AIG1: variants seen among roughly 807,000 people sequenced by gnomAD.
AIG1 encodes the protein androgen-induced gene 1 protein.
A neutral mutation model predicts 31.4 loss-of-function variants in AIG1; 23 were observed. The ratio of observed to expected loss-of-function variants is 0.73; its 90% CI spans 0.53 to 1.04. AIG1 has a LOEUF of 1.04. AIG1 is among the 50% of genes least tolerant of loss of function. The probability of loss-of-function intolerance (pLI) is 0.00; values close to 1 mark genes in which losing one functional copy is unlikely to be tolerated. For missense variants in AIG1, 274 were observed against 295.0 expected (o/e 0.93, Z 0.52); for synonymous variants, 100 against 110.5 (o/e 0.90, Z 0.60).
intron 3 of AIG1, among the ~76,000 whole-genome samples, chr6:143,241,874 C>T (rs925365940): frequency 6.6e-6 from 1 of 152,134 alleles, no homozygotes; most frequent in Non-Finnish European, 1.5e-5. Context: ...TTTAAAATAT[C>T]ATGTAAAGTT....
At chr6:143,224,774 T>G (rs1792807813) in intron 3 of AIG1, among the ~76,000 whole-genome samples, 1 of 152,148 alleles carries the variant, frequency 6.6e-6, no homozygotes, top group African/African-American at 2.4e-5. Flanking sequence ...GCCTGTGGTT[T>G]CCATCCCTCC....
rs1797324666 is a variant in AIG1 at position 143,281,289 on chromosome 6, A to T, written c.400-2821A>T. On this transcript the variant is annotated intron_variant, in intron 3 of 5. Coordinates refer to ENST00000357847, the MANE Select transcript of AIG1 (RefSeq NM_016108.4). ...ATGGAGTTAATAATATCCATATAAG[A>T]TGTTGTTTTGAAGATTAAATTATCT... Among the ~76,000 whole-genome samples, 4 of 152,208 alleles carry T rather than the reference A, an allele frequency of 2.6e-5. No individual in the cohort carries two copies. In the South Asian group the frequency reaches 6.2e-4, roughly 24 times the overall value.
At chr6:143,148,959 A>G (rs892483078) in intron 2 of AIG1, among the ~76,000 whole-genome samples, 1 of 152,170 alleles carries the variant, frequency 6.6e-6, no homozygotes, top group African/African-American at 2.4e-5. Flanking sequence ...CTTAGGAGCA[A>G]TAGGCTACAC....
intron 1 of AIG1, among the ~76,000 whole-genome samples, chr6:143,100,828 C>T (rs545762270): frequency 6.6e-6 from 1 of 151,934 alleles, no homozygotes; most frequent in Admixed American, 6.6e-5. Context: ...GGGATTACAG[C>T]CACTCACCAC....
chr6:143,158,450 C>G (rs1786012890), intron 2 of AIG1, among the ~76,000 whole-genome samples: 1 of 152,152 alleles, frequency 6.6e-6, no homozygotes, highest in Admixed American at 6.5e-5. Context: ...CTCCCCATGT[C>G]CTTATTTAAT....
intron 3 of AIG1, among the ~76,000 whole-genome samples, chr6:143,218,020 A>G (rs1792169416): frequency 6.6e-6 from 1 of 152,200 alleles, no homozygotes; most frequent in South Asian, 2.1e-4. Context: ...ACAACAGCTC[A>G]TTGTTATTTT....
At chr6:143,251,053 ATTG>A (rs1011699219) in intron 3 of AIG1, among the ~76,000 whole-genome samples, 16 of 152,006 alleles carry the variant, frequency 1.1e-4, no homozygotes, top group Middle Eastern at 3.4e-3. Context: ...GAATACATTG[ATTG>A]TTGTTGTTGT....
At chr6:143,154,995 A>G (rs368101015) in intron 2 of AIG1, among the ~76,000 whole-genome samples, 3 of 148,466 alleles carry the variant, frequency 2.0e-5, no homozygotes, top group African/African-American at 7.5e-5. Flanking sequence ...TTTCAGACAT[A>G]CACCACCACA....
chr6:143,062,437 T>C (rs1172855602), intron 1 of AIG1, among the ~76,000 whole-genome samples: 2 of 152,206 alleles, frequency 1.3e-5, no homozygotes, highest in Non-Finnish European at 2.9e-5. Context: ...GAGGAGCCCG[T>C]GACAAGACTC....
Position 143,284,094 on chromosome 6 carries a change from C to T in AIG1, c.400-16C>T. On this transcript the variant is annotated splice_polypyrimidine_tract_variant and intron_variant, in intron 3 of 5. Coordinates refer to ENST00000357847, the MANE Select transcript of AIG1 (RefSeq NM_016108.4). The surrounding 1 kb of genome is among the most constrained non-coding windows in gnomAD (Gnocchi z 4.4). ...ATGATAGCAATCTGTGTCACCTAGT[C>T]TCTGTTATTTTCCAGCACACGACGG... 6.3e-7 allele frequency: 1 copy of T among 1,581,984 alleles called. No individual in the cohort carries two copies. Among genetic ancestry groups the T allele is most frequent in the South Asian group, 1.1e-5 (1 of 90,078 alleles).
chr6:143,154,346 G>C (rs1425300276), intron 2 of AIG1, among the ~76,000 whole-genome samples: 1 of 152,048 alleles, frequency 6.6e-6, no homozygotes, highest in Non-Finnish European at 1.5e-5. Context: ...CCTTAATAAA[G>C]CACTGAGAAA....
At chr6:143,188,710 T>G (rs1789506923) in intron 3 of AIG1, 17 of 985,222 alleles carry the variant, frequency 1.7e-5, no homozygotes, top group Non-Finnish European at 2.0e-5. Context: ...CTAAGGAGAC[T>G]GTAGAAGACT....
At chr6:143,228,963 T>A (rs1793226719) in intron 3 of AIG1, among the ~76,000 whole-genome samples, 1 of 152,220 alleles carries the variant, frequency 6.6e-6, no homozygotes, top group Non-Finnish European at 1.5e-5. Flanking sequence ...GGCTAAGATC[T>A]TTTTGGCAGT....
intron 3 of AIG1, among the ~76,000 whole-genome samples, chr6:143,168,824 A>T (rs1470398014): frequency 2.0e-5 from 3 of 152,046 alleles, no homozygotes; most frequent in African/African-American, 7.2e-5. Flanking sequence ...AAATTCTCAC[A>T]TGTATTTTAA....
Position 143,120,156 on chromosome 6 carries a change from A to G in AIG1, c.142-16679A>G, listed in dbSNP as rs529161342. On this transcript the variant is annotated intron_variant, in intron 1 of 5. Coordinates refer to ENST00000357847, the MANE Select transcript of AIG1 (RefSeq NM_016108.4). ...TCCATATTGGTCAGGCTGATCTCGA[A>G]CTCCCGATCTCAGGTGATCTGCCTG... Among the ~76,000 whole-genome samples the G allele has an allele frequency of 7.2e-5, 11 of 151,752 alleles. No individual in the cohort carries two copies. The East Asian group carries it at 1.9e-3, about 27-fold the overall frequency.
At chr6:143,281,738 A>G (rs1215402122) in intron 3 of AIG1, among the ~76,000 whole-genome samples, 1 of 152,200 alleles carries the variant, frequency 6.6e-6, no homozygotes, top group East Asian at 1.9e-4. Context: ...TGCATTATAA[A>G]TTTCTAGAGA....
chr6:143,260,398 T>C (rs1000974101), intron 3 of AIG1, among the ~76,000 whole-genome samples: 4 of 152,174 alleles, frequency 2.6e-5, no homozygotes, highest in Non-Finnish European at 5.9e-5. Flanking sequence ...TGTTTGGTGT[T>C]TATTAAATAA....
At position 143,286,966 on chromosome 6, in the gene AIG1, C is replaced by T. The variant is rs78496895; in HGVS notation, c.515+2741C>T. On this transcript the variant is annotated intron_variant, in intron 4 of 5. Transcript: ENST00000357847. ...TCTCGGTGGTTCTGTTTCCCAGCCC[C>T]GTTGCAGTCCTCCCCAAGCTTAGCA... 3.1e-3 allele frequency among the ~76,000 whole-genome samples: 453 copies of T among 146,426 alleles called. 3 individuals carry two copies. The highest frequency in any genetic ancestry group is 5.2e-3 in the Non-Finnish European group (341 of 65,884).
At chr6:143,201,938 T>C (rs1210970820) in intron 3 of AIG1, among the ~76,000 whole-genome samples, 1 of 152,084 alleles carries the variant, frequency 6.6e-6, no homozygotes, top group Admixed American at 6.6e-5. Flanking sequence ...ATCAAACACA[T>C]CAGAACAACG....
Sources: allele counts gnomAD v4.1 joint callset (sites outside exome capture counted in the v4.1 genomes callset), GRCh38; gene constraint gnomAD v4.1.1; non-coding constraint Gnocchi (gnomAD v3.1); transcripts MANE v1.5; gene names NCBI Gene and HGNC (gene_info 2026-07-23, HGNC 2026-07-21).